KCNQ1: variants seen among roughly 807,000 people sequenced by gnomAD.
The protein encoded by KCNQ1 is potassium voltage-gated channel subfamily KQT member 1.
Under a neutral mutation model 72.4 loss-of-function variants are expected in KCNQ1, and 49 were observed. That is an observed-to-expected ratio of 0.68 (90% CI 0.54 to 0.86). KCNQ1 has a LOEUF of 0.86. Ranked by LOEUF, KCNQ1 falls within the 40% of genes least tolerant of loss-of-function variation. The pLI is 0.00. For missense variants in KCNQ1, 790 were observed against 945.1 expected, an observed-to-expected ratio of 0.84 and a Z score of 2.15; for synonymous variants, 450 against 412.6, an observed-to-expected ratio of 1.09 and a Z score of -1.10.
chr11:2,680,466 T>C, intron 11 of KCNQ1: 1 of 398,554 alleles, frequency 2.5e-6, no homozygotes, highest in Non-Finnish European at 4.4e-6. Context: ...TTAGGAGGAC[T>C]ACTGATTTTT....
In KCNQ1 at chr11:2,659,357, GT is replaced by G. The variant is rs1200677422; in HGVS notation, c.1394-2603del. 3 of 398,454 alleles carry G rather than the reference GT, an allele frequency of 7.5e-6. No individual in the cohort carries two copies. The highest frequency in any genetic ancestry group is 1.3e-5 in the Non-Finnish European group (3 of 226,034). 24.7% of individuals were successfully genotyped at this position (398,454 alleles called of 1,614,324 possible). ...TCCTATAAATGGGATCCTATAATAT[GT>G]ATTCTTTTGCATCTGGCTTCTTTCA... On this transcript the variant is annotated intron_variant, in intron 10 of 15. Coordinates refer to ENST00000155840, the MANE Select transcript of KCNQ1 (RefSeq NM_000218.3). This position sits in a 1 kb window ranked among gnomAD's most constrained non-coding sequence, Gnocchi z 4.3.
intron 10 of KCNQ1, chr11:2,616,518 AT>A (rs1450840832): frequency 3.0e-5 from 12 of 397,822 alleles, no homozygotes; most frequent in Non-Finnish European, 5.3e-5. Flanking sequence ...CAGTGTGGGC[AT>A]TCACAGCTAT....
In KCNQ1 at chr11:2,618,411, T is replaced by A. The variant is rs148836180; in HGVS notation, c.1393+29557T>A. The A allele has an allele frequency of 2.0e-5, 8 of 398,592 alleles. No homozygotes were observed. The East Asian group carries it at 2.5e-4, about 12-fold the overall frequency. The allele number at this position is 398,592 out of a possible 1,614,324, so 24.7% of individuals were successfully genotyped here. On this transcript the variant is annotated intron_variant, in intron 10 of 15. Transcript: ENST00000155840. ...TACATGTGGTCTGTGGGCCATGGGT[T>A]GGACAAGCCACAGAACTGGGTTTCC...
rs1045265708 is a variant in KCNQ1, at chr11:2,592,683, C to T, written c.1393+3829C>T. 2.6e-4 allele frequency among the ~76,000 whole-genome samples: 39 copies of T among 152,198 alleles called. No homozygotes were observed. Among genetic ancestry groups the T allele is most frequent in the Admixed American group, 2.0e-4 (3 of 15,280 alleles). ...CAGTGTCAAAGGGACTGGGGACCTGCGAGGATGCGGTGGCCATTGTCTGTG... is the reference window on the plus strand; with the variant it reads ...CAGTGTCAAAGGGACTGGGGACCTGTGAGGATGCGGTGGCCATTGTCTGTG... On this transcript the variant is annotated intron_variant, in intron 10 of 15. Transcript: ENST00000155840. This position sits in a 1 kb window ranked among gnomAD's most constrained non-coding sequence, Gnocchi z 5.2.
intron 10 of KCNQ1, chr11:2,648,268 C>T: frequency 2.5e-6 from 1 of 398,532 alleles, no homozygotes; most frequent in Non-Finnish European, 4.4e-6. Flanking sequence ...ATCTCTATTT[C>T]ATTTAGATCT....
chr11:2,661,473 C>T lies in KCNQ1; in HGVS notation c.1394-488C>T, dbSNP rs1267610333. The T allele has an allele frequency of 2.3e-6, 1 of 435,698 alleles. No individual in the cohort carries two copies. The highest frequency in any genetic ancestry group is 4.0e-6 in the Non-Finnish European group (1 of 247,756). The allele number at this position is 435,698 out of a possible 1,614,324, so 27.0% of individuals were successfully genotyped here. A position where few individuals can be genotyped will look rare whatever the true frequency, so the allele number is the denominator to read the frequency against. The stretch of plus-strand genomic sequence containing the variant: ...TTTGAGGAAGGAGTTCTGTGGCTGC[C>T]CCCACCTCCCAGGCTTGCCATTCCT... On this transcript the variant is annotated intron_variant, in intron 10 of 15. Transcript: ENST00000155840. The surrounding 1 kb of genome is among the most constrained non-coding windows in gnomAD (Gnocchi z 5.9).
intron 2 of KCNQ1, among the ~76,000 whole-genome samples, chr11:2,551,225 A>G (rs568895735): frequency 1.3e-5 from 2 of 152,298 alleles, no homozygotes; most frequent in Admixed American, 6.5e-5. Flanking sequence ...TCAAGATCCA[A>G]GGTGTTCCCA....
chr11:2,631,474 T>A, intron 10 of KCNQ1: 1 of 396,470 alleles, frequency 2.5e-6, no homozygotes, highest in East Asian at 3.6e-5. Flanking sequence ...TCCTTTTGTG[T>A]ATTAATGATT....
chr11:2,669,177 C>G lies in KCNQ1; in HGVS notation c.1514+7096C>G. 2.5e-6 allele frequency: 1 copy of G among 398,634 alleles called. No individual in the cohort carries two copies. The highest frequency in any genetic ancestry group is 4.4e-6 in the Non-Finnish European group (1 of 226,090). 24.7% of individuals were successfully genotyped at this position (398,634 alleles called of 1,614,324 possible). A position where few individuals can be genotyped will look rare whatever the true frequency, so the allele number is the denominator to read the frequency against. ...TTCAAGTTGTTCTTTGTGGCCAGGA[C>G]CTTGCTTCCTTCTCACTGTAGTTTG... On this transcript the variant is annotated intron_variant, in intron 11 of 15. Coordinates refer to ENST00000155840, the MANE Select transcript of KCNQ1 (RefSeq NM_000218.3). This position sits in a 1 kb window ranked among gnomAD's most constrained non-coding sequence, Gnocchi z 5.6.
At chr11:2,460,882 G>T (rs1433664051) in intron 1 of KCNQ1, among the ~76,000 whole-genome samples, 2 of 152,238 alleles carry the variant, frequency 1.3e-5, no homozygotes, top group East Asian at 3.8e-4. Context: ...TCTGGTTGAG[G>T]GTTGCTGCCT....
chr11:2,709,360 G>A (rs1363739864), intron 11 of KCNQ1, among the ~76,000 whole-genome samples: 2 of 151,634 alleles, frequency 1.3e-5, no homozygotes, highest in Non-Finnish European at 2.9e-5. Context: ...GACCTGCGGG[G>A]GCTTCCTGGA....
chr11:2,707,310 A>G (rs1850927253), intron 11 of KCNQ1, among the ~76,000 whole-genome samples: 1 of 152,190 alleles, frequency 6.6e-6, no homozygotes, highest in Non-Finnish European at 1.5e-5. Context: ...CACTGGAATA[A>G]AAAGCAGACA....
intron 10 of KCNQ1, chr11:2,640,123 G>C: frequency 3.1e-6 from 1 of 319,930 alleles, no homozygotes; most frequent in East Asian, 4.9e-5. Context: ...CCGTTGGCTA[G>C]GAAAGGGAAT....
intron 6 of KCNQ1, among the ~76,000 whole-genome samples, chr11:2,578,329 G>A (rs753083013): frequency 4.6e-5 from 7 of 152,258 alleles, no homozygotes; most frequent in Non-Finnish European, 1.0e-4. Context: ...TTGCCAGCAG[G>A]GCAGCCACAG....
chr11:2,673,552 C>A lies in KCNQ1; in HGVS notation c.1514+11471C>A, dbSNP rs1850228140. On this transcript the variant is annotated intron_variant, in intron 11 of 15. Coordinates refer to ENST00000155840, the MANE Select transcript of KCNQ1 (RefSeq NM_000218.3). The surrounding 1 kb of genome is among the most constrained non-coding windows in gnomAD (Gnocchi z 4.5). ...AAGATTGCTCTCAGCCTATCCCCTC[C>A]CTGGCCATGCAGGTGGAAGACCCTA... 2 of 398,500 alleles carry A rather than the reference C, an allele frequency of 5.0e-6. No individual in the cohort carries two copies. Among genetic ancestry groups the A allele is most frequent in the East Asian group, 3.6e-5 (1 of 28,074 alleles). The allele number at this position is 398,500 out of a possible 1,614,324, so 24.7% of individuals were successfully genotyped here. A position where few individuals can be genotyped will look rare whatever the true frequency, so the allele number is the denominator to read the frequency against.
At chr11:2,718,637 G>A (rs543651171) in intron 11 of KCNQ1, among the ~76,000 whole-genome samples, 54 of 152,298 alleles carry the variant, frequency 3.5e-4, no homozygotes, top group African/African-American at 1.0e-3. Flanking sequence ...TTGTGTAGAC[G>A]CATGACTCCC....
chr11:2,506,004 CCCTGTGAT>C (rs776663721), intron 1 of KCNQ1, among the ~76,000 whole-genome samples: 71 of 152,208 alleles, frequency 4.7e-4, no homozygotes, highest in Non-Finnish European at 8.5e-4. Context: ...CGTGCTTAGC[CCCTGTGAT>C]CCAGCAATCC....
chr11:2,732,718 G>A (rs535362529), intron 11 of KCNQ1, among the ~76,000 whole-genome samples: 66 of 152,316 alleles, frequency 4.3e-4, no homozygotes, highest in Middle Eastern at 3.4e-3. Flanking sequence ...TCACCGGGCC[G>A]GCGCACACAG....
chr11:2,640,370 T>G, intron 10 of KCNQ1: 1 of 398,622 alleles, frequency 2.5e-6, no homozygotes, highest in Non-Finnish European at 4.4e-6. Context: ...ACTGCAATCT[T>G]TAACTCCCAG....
Sources: gnomAD v4.1 joint callset for allele counts (sites outside exome capture counted in the v4.1 genomes callset) on GRCh38, gnomAD v4.1.1 for gene constraint, Gnocchi (gnomAD v3.1) non-coding constraint, MANE v1.5 for transcripts, NCBI Gene and HGNC (gene_info 2026-07-23, HGNC 2026-07-21) for gene names.